Variants in CEP128 observed in about 807,000 individuals in gnomAD.
The protein encoded by CEP128 is centrosomal protein 128, also known as centrosomal protein 128kDa.
In CEP128, 132 loss-of-function variants were observed where a neutral mutation model predicts 156.7. The observed-to-expected ratio is 0.84, with a 90% CI of 0.73 to 0.97. The LOEUF (loss-of-function observed/expected upper bound fraction) is 0.97, where lower values mean the gene tolerates loss of function less well. CEP128 is among the 50% of genes least tolerant of loss of function. The pLI is 0.00. For synonymous variants in CEP128, 469 were observed against 448.9 expected (o/e 1.04, Z -0.57); for missense variants, 1,252 against 1,281.9 (o/e 0.98, Z 0.36).
chr14:80,909,031 C>A (rs997606068), intron 4 of CEP128, among the ~76,000 whole-genome samples: 3 of 152,100 alleles, frequency 2.0e-5, no homozygotes, highest in African/African-American at 7.2e-5. Flanking sequence ...ATTGATAACT[C>A]TGATCCTAGC....
chr14:80,774,468 T>C (rs978267421), intron 16 of CEP128, among the ~76,000 whole-genome samples: 1 of 152,210 alleles, frequency 6.6e-6, no homozygotes, highest in Non-Finnish European at 1.5e-5. Context: ...ATTGCTTACA[T>C]GGTAATCTTC....
chr14:80,581,322 C>T (rs1472588969), intron 19 of CEP128, among the ~76,000 whole-genome samples: 1 of 152,032 alleles, frequency 6.6e-6, no homozygotes, highest in East Asian at 1.9e-4. Context: ...TACCAAGAGA[C>T]TATGTTACAT....
At chr14:80,729,054 T>TGGGGG (rs543120613) in intron 19 of CEP128, among the ~76,000 whole-genome samples, 1 of 92,558 alleles carries the variant, frequency 1.1e-5, no homozygotes, top group African/African-American at 5.6e-5. Context: ...GCTGGGCTGG[T>TGGGGG]GGGGGTGTGT....
intron 13 of CEP128, among the ~76,000 whole-genome samples, chr14:80,823,434 G>T (rs1018151487): frequency 1.6e-4 from 24 of 152,182 alleles, no homozygotes; most frequent in Non-Finnish European, 2.8e-4. Flanking sequence ...CAGAGCATCA[G>T]ATGAAGACTT....
intron 19 of CEP128, among the ~76,000 whole-genome samples, chr14:80,715,827 T>C (rs536144626): frequency 5.9e-5 from 9 of 152,322 alleles, no homozygotes; most frequent in South Asian, 2.1e-4. Context: ...GGGATAGTAA[T>C]AGCACCTACC....
intron 19 of CEP128, among the ~76,000 whole-genome samples, chr14:80,666,329 C>T (rs74630276): frequency 1.3e-5 from 2 of 152,236 alleles, no homozygotes; most frequent in East Asian, 1.9e-4. Flanking sequence ...CTGCCTTGTG[C>T]GAATTGGAGT....
chr14:80,667,702 C>T (rs1895676733), intron 19 of CEP128, among the ~76,000 whole-genome samples: 1 of 151,486 alleles, frequency 6.6e-6, no homozygotes, highest in Non-Finnish European at 1.5e-5. Flanking sequence ...ACTAAAAATA[C>T]AAAAAATTAG....
intron 4 of CEP128, among the ~76,000 whole-genome samples, chr14:80,913,857 A>C (rs1438234161): frequency 6.6e-6 from 1 of 152,258 alleles, no homozygotes; most frequent in African/African-American, 2.4e-5. Context: ...CTAAAATCCC[A>C]GACTTCATCA....
At chr14:80,482,575 T>C (rs929740846) in intron 14 of CEP128, among the ~76,000 whole-genome samples, 5 of 152,166 alleles carry the variant, frequency 3.3e-5, no homozygotes, top group African/African-American at 4.8e-5. Context: ...AACTATAGCA[T>C]AGGGCCTAGG....
intron 2 of CEP128, among the ~76,000 whole-genome samples, chr14:80,947,966 T>C (rs1886381289): frequency 6.6e-6 from 1 of 152,214 alleles, no homozygotes; most frequent in Non-Finnish European, 1.5e-5. Flanking sequence ...TCATTGGATT[T>C]TGCTTTGTTC....
rs542111472 is a variant in CEP128 at position 80,628,635 on chromosome 14, G to A, written c.2807-48212C>T. Among the ~76,000 whole-genome samples the A allele has an allele frequency of 1.2e-3, 180 of 152,126 alleles. 1 individual carries two copies. The highest frequency in any genetic ancestry group is 4.2e-3 in the African/African-American group (176 of 41,496). ...ATGAAGTTATTATAGGGCTAACTAC[G>A]CTGTCTATTTTAGCTTTGGACAAAT... is the stretch of plus-strand genomic sequence containing the variant. On this transcript the variant is annotated intron_variant, in intron 19 of 24. Coordinates refer to ENST00000555265, the MANE Select transcript of CEP128 (RefSeq NM_152446.5).
At chr14:80,621,181 T>C (rs1216723521) in intron 19 of CEP128, among the ~76,000 whole-genome samples, 1 of 152,224 alleles carries the variant, frequency 6.6e-6, no homozygotes, top group Non-Finnish European at 1.5e-5. Flanking sequence ...CTCATAATTT[T>C]TTTAAGTTAA....
intron 23 of CEP128, among the ~76,000 whole-genome samples, chr14:80,508,167 T>A (rs1381231090): frequency 6.6e-6 from 1 of 152,036 alleles, no homozygotes; most frequent in Non-Finnish European, 1.5e-5. Context: ...CCACCTGCCT[T>A]GGCCCCCCAA....
intron 18 of CEP128, among the ~76,000 whole-genome samples, chr14:80,751,650 G>C (rs961146371): frequency 7.0e-6 from 1 of 142,070 alleles, no homozygotes. Flanking sequence ...TTTTTTTTGA[G>C]ATGGAGTCTC....
chr14:80,753,752 A>T (rs951208525), intron 18 of CEP128, among the ~76,000 whole-genome samples: 3 of 152,196 alleles, frequency 2.0e-5, no homozygotes, highest in African/African-American at 7.2e-5. Context: ...CTCTTTCAAT[A>T]CTGCCACGAA....
chr14:80,902,201 GCTC>G (rs1337079673), intron 6 of CEP128, among the ~76,000 whole-genome samples: 2 of 152,050 alleles, frequency 1.3e-5, no homozygotes, highest in African/African-American at 4.8e-5. Context: ...TTAATATCTA[GCTC>G]CTCCTCTAGA....
chr14:80,583,174 T>C lies in CEP128; in HGVS notation c.2807-2751A>G, dbSNP rs566732113. ...TCCAAATACATACGGGTCATACTAC[T>C]CTTCCAACAAATCTGATGCCAATGA... On this transcript the variant is annotated intron_variant, in intron 19 of 24. Transcript: ENST00000555265. Among the ~76,000 whole-genome samples the C allele has an allele frequency of 2.6e-5, 4 of 152,336 alleles. No homozygotes were observed. The South Asian group carries it at 8.3e-4, about 32-fold the overall frequency.
chr14:80,714,318 A>G (rs1415948199), intron 19 of CEP128, among the ~76,000 whole-genome samples: 1 of 152,044 alleles, frequency 6.6e-6, no homozygotes, highest in Non-Finnish European at 1.5e-5. Context: ...ACATACACAC[A>G]CACACATACA....
intron 19 of CEP128, among the ~76,000 whole-genome samples, chr14:80,717,527 G>A (rs1000929988): frequency 2.6e-5 from 4 of 151,990 alleles, no homozygotes; most frequent in Non-Finnish European, 1.5e-5. Context: ...GTAAATGGGG[G>A]CATTTGTGAT....
Sources: gnomAD v4.1 joint callset for allele counts (sites outside exome capture counted in the v4.1 genomes callset) on GRCh38, gnomAD v4.1.1 for gene constraint, MANE v1.5 for transcripts, NCBI Gene and HGNC (gene_info 2026-07-23, HGNC 2026-07-21) for gene names.